The following ADGRE1 variants were observed in gnomAD, a reference collection of about 807,000 sequenced individuals.
ADGRE1 encodes the protein adhesion G protein-coupled receptor E1, also known as EGF-like module receptor 1.
In ADGRE1, 82 loss-of-function variants were observed where a neutral mutation model predicts 102.7. The observed-to-expected ratio is 0.80, with a 90% CI of 0.67 to 0.96. The LOEUF is 0.96. Among genes scored for constraint, ADGRE1 ranks in the 40% least tolerant of loss-of-function variants. ADGRE1 has a pLI of 0.00. For synonymous variants in ADGRE1, 398 were observed against 399.6 expected (o/e 1.00, Z 0.05); for missense variants, 1,032 against 1,085.3 (o/e 0.95, Z 0.69).
rs115495796 is a variant in ADGRE1 at position 6,938,748 on chromosome 19, G to A, written c.2655+1100G>A. Among the ~76,000 whole-genome samples the A allele has an allele frequency of 8.1e-3, 1,224 of 150,720 alleles. 18 individuals are homozygous for A. Among genetic ancestry groups the A allele is most frequent in the African/African-American group, 0.027 (1,098 of 41,118 alleles). The stretch of plus-strand genomic sequence containing the variant: ...TTAAGCCTTGCAGAAGTCCAGTGAG[G>A]TAGGTATCACTGCTCTATTTTCTTT... On this transcript the variant is annotated intron_variant, in intron 20 of 20. Transcript: ENST00000312053.
intron 10 of ADGRE1, among the ~76,000 whole-genome samples, chr19:6,910,792 C>T (rs954452183): frequency 2.0e-5 from 3 of 151,906 alleles, no homozygotes; most frequent in South Asian, 4.2e-4. Flanking sequence ...AGGCTGGTCT[C>T]GAACTCCTGA....
At position 6,901,999 on chromosome 19, in the gene ADGRE1, G is replaced by T; in HGVS notation, c.639G>T (p.Gln213His). ...FESSSGHLSFQGLKASCEDID... is the reference protein window; with the variant it reads ...FESSSGHLSFHGLKASCEDID... ...CCAGCAGTGGCCACTTGAGTTTCCA[G>T]GGTCTCAAAGCATCGTGTGAAGGTA... Residue 213 changes from glutamine (Q) to histidine (H), a missense_variant, in exon 6 of 21, where the codon CAG becomes CAT. Transcript: ENST00000312053. The T allele has an allele frequency of 6.2e-7, 1 of 1,614,180 alleles. No individual in the cohort carries two copies. Among genetic ancestry groups the T allele is most frequent in the East Asian group, 2.2e-5 (1 of 44,886 alleles).
rs1053920215 is a variant in ADGRE1, at chr19:6,919,422, C to A, written c.1421-126C>A. ...GGTGCATGACTCTCTCTCTCTCTCT[C>A]TCTCTCCCCCTCCCTCCCTCTGTGT... On this transcript the variant is annotated intron_variant, in intron 12 of 20. Coordinates refer to ENST00000312053, the MANE Select transcript of ADGRE1 (RefSeq NM_001974.5). 2.1e-4 allele frequency: 129 copies of A among 602,314 alleles called. 3 individuals carry two copies. The highest frequency in any genetic ancestry group is 3.2e-4 in the Non-Finnish European group (115 of 356,610). The allele number at this position is 602,314 out of a possible 1,614,324, so 37.3% of individuals were successfully genotyped here. A position where few individuals can be genotyped will look rare whatever the true frequency, so the allele number is the denominator to read the frequency against.
intron 17 of ADGRE1, among the ~76,000 whole-genome samples, chr19:6,931,677 A>G (rs765805363): frequency 6.6e-6 from 1 of 151,958 alleles, no homozygotes; most frequent in African/African-American, 2.4e-5. Flanking sequence ...GCAGGCACCA[A>G]TAGTCCCAGC....
intron 10 of ADGRE1, among the ~76,000 whole-genome samples, chr19:6,910,731 G>T (rs373450): frequency 1.5e-4 from 23 of 151,336 alleles, no homozygotes; most frequent in Admixed American, 1.5e-3. Flanking sequence ...ACCACCAAGC[G>T]TGGGTAATAT....
At chr19:6,920,101 A>G (rs993598183) in intron 13 of ADGRE1, among the ~76,000 whole-genome samples, 6 of 152,166 alleles carry the variant, frequency 3.9e-5, no homozygotes, top group African/African-American at 1.4e-4. Context: ...TCGGTGGGTA[A>G]TGAACTGCAA....
intron 20 of ADGRE1, 35 bp from the exon 21 acceptor site, chr19:6,939,989 T>C (rs770302475): frequency 6.2e-7 from 1 of 1,613,340 alleles, no homozygotes; most frequent in South Asian, 1.1e-5. Flanking sequence ...TTAATTCTGC[T>C]GCAGACTCTG....
At chr19:6,920,821 A>C (rs1974637514) in intron 13 of ADGRE1, among the ~76,000 whole-genome samples, 2 of 152,138 alleles carry the variant, frequency 1.3e-5, no homozygotes, top group African/African-American at 4.8e-5. Flanking sequence ...TCTAGGATAC[A>C]TTCTTAAAGC....
Position 6,908,629 on chromosome 19 carries a change from T to G in ADGRE1, c.1039-60T>G, listed in dbSNP as rs1030683026. 41 of 1,459,824 alleles carry G rather than the reference T, an allele frequency of 2.8e-5. No individual in the cohort carries two copies. In the African/African-American group the frequency reaches 5.7e-4, roughly 20 times the overall value. The allele number at this position is 1,459,824 out of a possible 1,614,324, so 90.4% of individuals were successfully genotyped here. On this transcript the variant is annotated intron_variant, in intron 9 of 20. Transcript: ENST00000312053. ...ATGGGCTAATTTGTAGATTACATGCTTGGGGGAATACATCGATTCATGCTC... is the reference window on the plus strand; with the variant it reads ...ATGGGCTAATTTGTAGATTACATGCGTGGGGGAATACATCGATTCATGCTC...
intron 17 of ADGRE1, among the ~76,000 whole-genome samples, chr19:6,930,880 C>G (rs1042957376): frequency 2.4e-4 from 37 of 152,184 alleles, no homozygotes; most frequent in Non-Finnish European, 3.4e-4. Flanking sequence ...CTCAGGTGAC[C>G]CACCCGCCTC....
chr19:6,913,316 T>A (rs961318283), intron 10 of ADGRE1, among the ~76,000 whole-genome samples: 2 of 152,120 alleles, frequency 1.3e-5, no homozygotes, highest in African/African-American at 4.8e-5. Flanking sequence ...GTAGCTAGGA[T>A]TACTGGCACG....
chr19:6,925,143 C>T (rs781224824), intron 15 of ADGRE1, among the ~76,000 whole-genome samples: 5 of 152,110 alleles, frequency 3.3e-5, no homozygotes, highest in Non-Finnish European at 7.4e-5. Context: ...GTTTTTGATA[C>T]TGAGTTTCGC....
intron 13 of ADGRE1, among the ~76,000 whole-genome samples, chr19:6,920,527 T>TTTTC: frequency 7.3e-6 from 1 of 136,448 alleles, no homozygotes; most frequent in East Asian, 2.2e-4. Context: ...TTTTTTTTTT[T>TTTTC]TTTTTTTTTT....
Position 6,901,922 on chromosome 19 carries a change from T to C in ADGRE1, c.562T>C (p.Cys188Arg). 6.2e-7 allele frequency: 1 copy of C among 1,614,186 alleles called. No homozygotes were observed. The highest frequency in any genetic ancestry group is 8.5e-7 in the Non-Finnish European group (1 of 1,180,038). Residue 188 changes from cysteine (C) to arginine (R), a missense_variant, in exon 6 of 21, where the codon TGT becomes CGT. By Grantham distance (180) the Cys-to-Arg change is radical. Transcript: ENST00000312053. ...AAGAGCTTGCCCAGAGCATGCAACT[T>C]GTAATAACACTGTTGGAAACTACTC... ...DPRACPEHATCNNTVGNYSCF... is the reference protein window; with the variant it reads ...DPRACPEHATRNNTVGNYSCF...
rs1975614871 is a variant in ADGRE1, at chr19:6,940,200, C to A, written c.*171C>A. 2.8e-6 allele frequency: 2 copies of A among 716,012 alleles called. No individual in the cohort carries two copies. The highest frequency in any genetic ancestry group is 5.5e-5 in the Admixed American group (2 of 36,530). 44.4% of individuals were successfully genotyped at this position (716,012 alleles called of 1,614,324 possible). On this transcript the variant is annotated 3_prime_UTR_variant, in exon 21 of 21. Transcript: ENST00000312053. ...GGCGGTCTTCCTGTGGTTGTATGCA[C>A]TGATGAGAAATCAGGCGTTTCTGCT...
chr19:6,929,103 C>G (rs927746261), intron 17 of ADGRE1, among the ~76,000 whole-genome samples: 9 of 152,184 alleles, frequency 5.9e-5, no homozygotes, highest in Non-Finnish European at 1.3e-4. Flanking sequence ...CCATGAGTCT[C>G]TCTGAAGCAG....
intron 3 of ADGRE1, chr19:6,896,812 CCT>C (rs1973572292): frequency 2.2e-5 from 11 of 501,558 alleles, no homozygotes; most frequent in Middle Eastern, 5.4e-4. Context: ...CCCCACCCTT[CCT>C]CTCTTTGATC....
rs1176951835 is a variant in ADGRE1, at chr19:6,922,618, A to T, written c.1791+735A>T. 6.8e-3 allele frequency among the ~76,000 whole-genome samples: 571 copies of T among 84,202 alleles called. 3 individuals carry two copies. The highest frequency in any genetic ancestry group is 0.029 in the African/African-American group (531 of 18,080). The allele number at this position is 84,202 out of a possible 152,430, so 55.2% of individuals were successfully genotyped here. A position where few individuals can be genotyped will look rare whatever the true frequency, so the allele number is the denominator to read the frequency against. The stretch of plus-strand genomic sequence containing the variant: ...AACAGAGTGAGACTCTGTCTCACAC[A>T]CACACACACACACACACACACACAC... On this transcript the variant is annotated intron_variant, in intron 14 of 20. Coordinates refer to ENST00000312053, the MANE Select transcript of ADGRE1 (RefSeq NM_001974.5).
chr19:6,890,624 C>A, intron 2 of ADGRE1, 81 bp downstream of exon 2: 2 of 1,461,908 alleles, frequency 1.4e-6, no homozygotes, highest in Non-Finnish European at 1.9e-6. Flanking sequence ...GGAAGCTGAG[C>A]CTCATCCAGA....
Sources: gnomAD v4.1 joint callset for allele counts (sites outside exome capture counted in the v4.1 genomes callset) on GRCh38, gnomAD v4.1.1 for gene constraint, MANE v1.5 for transcripts, NCBI Gene and HGNC (gene_info 2026-07-23, HGNC 2026-07-21) for gene names.